Variants in TARBP1 observed in about 807,000 individuals in gnomAD.
TARBP1 encodes the protein tRNA guanosine 2 -O-methyltransferase TARBP1.
In TARBP1, 144 loss-of-function variants were observed where a neutral mutation model predicts 178.6. That is an observed-to-expected ratio of 0.81 (90% CI 0.70 to 0.93). The LOEUF (loss-of-function observed/expected upper bound fraction) is 0.93, where lower values mean the gene tolerates loss of function less well. Ranked by LOEUF, TARBP1 falls within the 40% of genes least tolerant of loss-of-function variation. TARBP1 has a pLI of 0.00. For missense variants in TARBP1, 2,067 were observed against 2,011.7 expected, an observed-to-expected ratio of 1.03 and a Z score of -0.53; for synonymous variants, 787 against 781.0, an observed-to-expected ratio of 1.01 and a Z score of -0.13.
Position 234,460,376 on chromosome 1 carries a change from T to C in TARBP1, c.1420A>G (p.Ile474Val), listed in dbSNP as rs1470755246. The C allele has an allele frequency of 1.2e-6, 2 of 1,614,068 alleles. No individual in the cohort carries two copies. The highest frequency in any genetic ancestry group is 1.7e-6 in the Non-Finnish European group (2 of 1,180,000). Residue 474 changes from isoleucine (I) to valine (V), a missense_variant, in exon 7 of 30, where the codon ATT (isoleucine) becomes GTT (valine). Physicochemically the swap from Ile to Val is conservative, Grantham distance 29. Coordinates refer to ENST00000040877, the MANE Select transcript of TARBP1 (RefSeq NM_005646.4). ...CAATGCCTACTTGTCATCTTCCGAA[T>C]AAACTTCAATAGGAAGCTACCTGAA... ...EIKSSFLLKFIRKMTSRHWCA... is the reference protein window; with the variant it reads ...EIKSSFLLKFVRKMTSRHWCA...
chr1:234,399,551 C>CTATA, intron 25 of TARBP1, among the ~76,000 whole-genome samples: 1 of 152,252 alleles, frequency 6.6e-6, no homozygotes, highest in Admixed American at 6.5e-5. Context: ...TACACAAGGA[C>CTATA]TATAAATCAT....
intron 11 of TARBP1, among the ~76,000 whole-genome samples, chr1:234,448,196 C>T (rs1666380378): frequency 6.6e-6 from 1 of 152,200 alleles, no homozygotes; most frequent in African/African-American, 2.4e-5. Flanking sequence ...GCCTTGGCCT[C>T]CCAAAGTGCT....
intron 12 of TARBP1, among the ~76,000 whole-genome samples, chr1:234,440,843 G>A (rs906916552): frequency 8.5e-5 from 13 of 152,080 alleles, no homozygotes; most frequent in African/African-American, 2.2e-4. Flanking sequence ...AGATCTATAC[G>A]CTGAAAACTG....
intron 23 of TARBP1, among the ~76,000 whole-genome samples, chr1:234,408,138 C>T (rs1227576965): frequency 6.6e-6 from 1 of 152,016 alleles, no homozygotes; most frequent in East Asian, 1.9e-4. Context: ...CTCATGTCCG[C>T]TCATTTTACA....
chr1:234,415,007 A>AT (rs1662260844), intron 22 of TARBP1, among the ~76,000 whole-genome samples: 1 of 148,326 alleles, frequency 6.7e-6, no homozygotes, highest in East Asian at 2.0e-4. Context: ...AAATTAGTAA[A>AT]TTAAAAAAAA....
rs1230517096 is a variant in TARBP1 at position 234,467,606 on chromosome 1, T to C, written c.1144A>G (p.Arg382Gly). The C allele has an allele frequency of 6.2e-7, 1 of 1,609,638 alleles. No homozygotes were observed. Among genetic ancestry groups the C allele is most frequent in the East Asian group, 2.2e-5 (1 of 44,594 alleles). Reference protein sequence around the residue: ...HPSWHMCIYKRMFESENKILS... With the variant: ...HPSWHMCIYKGMFESENKILS... Reference sequence around the variant, plus strand: ...ATTTTGTTTTCACTTTCAAACATTCTTTTATAAATACACATATGCCAGGAT... The same window carrying C: ...ATTTTGTTTTCACTTTCAAACATTCCTTTATAAATACACATATGCCAGGAT... The change falls in exon 4 of 30, where the codon AGA (arginine) becomes GGA (glycine). Residue 382 changes from arginine (R) to glycine (G), a missense_variant. By Grantham distance (125) the Arg-to-Gly change is moderately radical (BLOSUM62 -2). Coordinates refer to ENST00000040877, the MANE Select transcript of TARBP1 (RefSeq NM_005646.4).
At chr1:234,440,000 A>G (rs1458028551) in intron 12 of TARBP1, among the ~76,000 whole-genome samples, 3 of 152,202 alleles carry the variant, frequency 2.0e-5, no homozygotes, top group Non-Finnish European at 4.4e-5. Flanking sequence ...TATCCCACAT[A>G]AACTTAAAAC....
intron 26 of TARBP1, among the ~76,000 whole-genome samples, chr1:234,395,524 T>C (rs1222174665): frequency 1.3e-5 from 2 of 152,180 alleles, no homozygotes; most frequent in East Asian, 3.8e-4. Flanking sequence ...TCCACGATGA[T>C]TGACCAATAC....
In TARBP1 at chr1:234,429,767, G is replaced by T. The variant is rs1049876643; in HGVS notation, c.2610-90C>A. 1.9e-4 allele frequency: 25 copies of T among 132,356 alleles called. No individual in the cohort carries two copies. In the African/African-American group the frequency reaches 9.4e-3, roughly 50 times the overall value. 8.2% of individuals were successfully genotyped at this position (132,356 alleles called of 1,614,324 possible). A position where few individuals can be genotyped will look rare whatever the true frequency, so the allele number is the denominator to read the frequency against. ...AGCACACTATCCTTTCTAAAGGTGG[G>T]GGGGGGGGGGCAGTGTACAGATATA... On this transcript the variant is annotated intron_variant, in intron 15 of 29. Coordinates refer to ENST00000040877, the MANE Select transcript of TARBP1 (RefSeq NM_005646.4).
intron 6 of TARBP1, among the ~76,000 whole-genome samples, chr1:234,461,684 T>C (rs1419595911): frequency 6.6e-6 from 1 of 152,244 alleles, no homozygotes; most frequent in Non-Finnish European, 1.5e-5. Flanking sequence ...TAGGAAGTAT[T>C]GATGGTTAGT....
At position 234,447,394 on chromosome 1, in the gene TARBP1, C is replaced by CTTTTTTTT. The variant is rs36066908; in HGVS notation, c.1962-427_1962-420dup. 4.8e-5 allele frequency among the ~76,000 whole-genome samples: 5 copies of CTTTTTTTT among 104,626 alleles called. 1 individual carries two copies. The East Asian group carries it at 1.2e-3, about 25-fold the overall frequency. The allele number at this position is 104,626 out of a possible 152,430, so 68.6% of individuals were successfully genotyped here. A position where few individuals can be genotyped will look rare whatever the true frequency, so the allele number is the denominator to read the frequency against. On this transcript the variant is annotated intron_variant, in intron 11 of 29. Transcript: ENST00000040877. ...GGATTTATTAAAAACTGTTAACCAA[C>CTTTTTTTT]TTTTTTTTTTTTTTTTTTGAGATGG...
chr1:234,478,207 C>T lies in TARBP1; in HGVS notation c.897G>A (p.Gly299=), dbSNP rs973870225. 1 of 1,612,006 alleles carries T rather than the reference C, an allele frequency of 6.2e-7. No individual in the cohort carries two copies. Among genetic ancestry groups the T allele is most frequent in the Admixed American group, 1.7e-5 (1 of 59,988 alleles). The change falls in exon 1 of 30, where the codon GGG becomes GGA. Residue 299 remains glycine, a synonymous_variant. Transcript: ENST00000040877. The part of the protein sequence containing the change: ...QRAVEVSAEL[G]ADCTCGPQEG... ...CCTGGGGCCCGCAGGTGCAGTCGGCCCCCAGCTCCGCCGACACCTCCACCG... is the reference window on the plus strand; with the variant it reads ...CCTGGGGCCCGCAGGTGCAGTCGGCTCCCAGCTCCGCCGACACCTCCACCG...
chr1:234,402,584 T>G (rs748232165), intron 24 of TARBP1, among the ~76,000 whole-genome samples: 11 of 143,548 alleles, frequency 7.7e-5, no homozygotes, highest in Non-Finnish European at 1.5e-4. Context: ...TGTTTGTTTG[T>G]TTTTTTTTTG....
Position 234,467,504 on chromosome 1 carries a change from C to T in TARBP1, c.1246G>A (p.Glu416Lys), listed in dbSNP as rs749250292. 8 of 1,585,362 alleles carry T rather than the reference C, an allele frequency of 5.0e-6. No homozygotes were observed. Among genetic ancestry groups the T allele is most frequent in the Non-Finnish European group, 6.8e-6 (8 of 1,169,622 alleles). The change falls in exon 4 of 30, where the codon GAG (glutamate) becomes AAG (lysine). Residue 416 changes from glutamate to lysine, a missense_variant and splice_region_variant. Glu to Lys is a moderately conservative substitution (Grantham distance 56). Transcript: ENST00000040877. ...KILPFSPEFSEFIIGPLMDAL... is the reference protein window; with the variant it reads ...KILPFSPEFSKFIIGPLMDAL... ...GGAAGGGGACAGGGTGTCATTACCT[C>T]AGAAAATTCTGGTGAAAATGGAAGA...
At position 234,391,681 on chromosome 1, in the gene TARBP1, G is replaced by A; in HGVS notation, c.4762C>T (p.Gln1588Ter). ...TTCAGGGAGCGGATAATGCCCTGTT[G>A]AGGAATTTCCACACAAACGTCCAAC... ...QQLDVCVEIP[Q>*]QGIIRSLNVH... Residue 1588 changes from glutamine (Q) to a stop codon, truncating the protein, a stop_gained, in exon 30 of 30, where the codon CAA becomes TAA. Transcript: ENST00000040877. LOFTEE classifies it low-confidence loss of function (END_TRUNC). 6.2e-7 allele frequency: 1 copy of A among 1,613,706 alleles called. No homozygotes were observed. The highest frequency in any genetic ancestry group is 1.1e-5 in the South Asian group (1 of 90,988).
rs935607466 is a variant in TARBP1, at chr1:234,410,462, G to C, written c.3775C>G (p.Gln1259Glu). Residue 1259 changes from glutamine (Q) to glutamate (E), a missense_variant, in exon 23 of 30, where the codon CAA becomes GAA. Gln to Glu is a conservative substitution (Grantham distance 29). Transcript: ENST00000040877. ...AAACTTACCTTTTCTGGAATATTTT[G>C]AGTAATAATGTCTAAATGTGATAAA... ...AVLSHLDIIT[Q>E]NIPEKKLILK... 1.3e-6 allele frequency: 2 copies of C among 1,487,564 alleles called. No homozygotes were observed. The highest frequency in any genetic ancestry group is 2.8e-5 in the African/African-American group (2 of 71,712). 92.1% of individuals were successfully genotyped at this position (1,487,564 alleles called of 1,614,324 possible).
rs1222624148 is a variant in TARBP1 at position 234,446,983 on chromosome 1, T to C, written c.1962-8A>G. 6.2e-7 allele frequency: 1 copy of C among 1,611,046 alleles called. No individual in the cohort carries two copies. The highest frequency in any genetic ancestry group is 1.1e-5 in the South Asian group (1 of 90,530). On this transcript the variant is annotated splice_region_variant and splice_polypyrimidine_tract_variant and intron_variant, in intron 11 of 29. Coordinates refer to ENST00000040877, the MANE Select transcript of TARBP1 (RefSeq NM_005646.4). ...TCTGTTCTCTGCTTTCCGCTAGACATTAAAAGACATGCCAAAATCAACCAT... is the reference window on the plus strand; with the variant it reads ...TCTGTTCTCTGCTTTCCGCTAGACACTAAAAGACATGCCAAAATCAACCAT...
intron 23 of TARBP1, chr1:234,407,326 T>C (rs990593687): frequency 6.6e-6 from 1 of 150,836 alleles, no homozygotes; most frequent in African/African-American, 2.4e-5. Context: ...TTACAAGAGA[T>C]TTGTCTTGTC....
intron 8 of TARBP1, among the ~76,000 whole-genome samples, chr1:234,458,620 A>G (rs187042216): frequency 1.3e-5 from 2 of 152,352 alleles, no homozygotes; most frequent in East Asian, 1.9e-4. Context: ...CTGCACAGAA[A>G]GAGTTTGCTG....
Sources: gnomAD v4.1 joint callset for allele counts (sites outside exome capture counted in the v4.1 genomes callset) on GRCh38, gnomAD v4.1.1 for gene constraint, MANE v1.5 for transcripts, NCBI Gene and HGNC (gene_info 2026-07-23, HGNC 2026-07-21) for gene names.